Variants in LMO7 observed in about 807,000 individuals in gnomAD.
The protein encoded by LMO7 is LIM domain 7.
LMO7 carries 120 observed loss-of-function variants against 206.5 expected under a neutral mutation model. That is an observed-to-expected ratio of 0.58 (90% confidence interval 0.50 to 0.68). LMO7 has a LOEUF of 0.68. LMO7 is among the 30% of genes least tolerant of loss of function. LMO7 has a pLI of 0.00. For synonymous variants in LMO7, 706 were observed against 681.5 expected, an observed-to-expected ratio of 1.04 and a Z score of -0.56; for missense variants, 1,959 against 1,957.9, an observed-to-expected ratio of 1.00 and a Z score of -0.01.
chr13:75,856,499 TCCCC>T lies in LMO7; in HGVS notation c.4771-6_4771-3del. 6.3e-7 allele frequency: 1 copy of T among 1,575,788 alleles called. No homozygotes were observed. The highest frequency in any genetic ancestry group is 1.7e-5 in the Admixed American group (1 of 59,870). Reference sequence around the variant, plus strand: ...ATTGTAGATGTTCTTTTTTTTTTGTTCCCCAGTGTGTTGCCTGTGAGTGTGACCT... The same window carrying T: ...ATTGTAGATGTTCTTTTTTTTTTGTTAGTGTGTTGCCTGTGAGTGTGACCT... On this transcript the variant is annotated splice_polypyrimidine_tract_variant and splice_region_variant and intron_variant, in intron 29 of 30. Coordinates refer to ENST00000377534, the MANE Select transcript of LMO7 (RefSeq NM_001306080.2).
chr13:75,819,666 C>T (rs1038523292), intron 13 of LMO7, 131 bp downstream of exon 13: 29 of 916,334 alleles, frequency 3.2e-5, no homozygotes, highest in Non-Finnish European at 4.1e-5. Context: ...TGCAAAGAAA[C>T]GTTTAAGATT....
intron 1 of LMO7, among the ~76,000 whole-genome samples, chr13:75,662,574 C>T (rs754533571): frequency 6.6e-6 from 1 of 152,186 alleles, no homozygotes; most frequent in Non-Finnish European, 1.5e-5. Flanking sequence ...CTGCTTAGGC[C>T]TCCCAAAGTG....
At chr13:75,680,159 T>G (rs1483871984) in intron 1 of LMO7, among the ~76,000 whole-genome samples, 2 of 152,248 alleles carry the variant, frequency 1.3e-5, no homozygotes, top group Non-Finnish European at 2.9e-5. Flanking sequence ...TTCAGTTTTC[T>G]ATTCCTGTGT....
chr13:75,737,708 G>C (rs375990639), intron 3 of LMO7, among the ~76,000 whole-genome samples: 7 of 115,370 alleles, frequency 6.1e-5, no homozygotes, highest in Middle Eastern at 5.5e-3. Flanking sequence ...AGCCGAGATC[G>C]CGCCACTGCA....
intron 4 of LMO7, among the ~76,000 whole-genome samples, chr13:75,772,885 A>G (rs1322282053): frequency 6.6e-6 from 1 of 152,134 alleles, no homozygotes; most frequent in South Asian, 2.1e-4. Context: ...GTTCAAATGC[A>G]GACTGATTCA....
Position 75,802,603 on chromosome 13 carries a change from G to A in LMO7, c.662-1686G>A, listed in dbSNP as rs2054898366. ...TAAGTCGTCTTCTCAGATCCTTGTT[G>A]GAATGGGCACCTGTCCATGTAACCA... On this transcript the variant is annotated intron_variant, in intron 7 of 30. Transcript: ENST00000377534. Among the ~76,000 whole-genome samples the A allele has an allele frequency of 2.0e-5, 3 of 152,172 alleles. No homozygotes were observed. The East Asian group carries it at 5.8e-4, about 29-fold the overall frequency.
intron 4 of LMO7, among the ~76,000 whole-genome samples, chr13:75,765,484 G>T (rs1012282423): frequency 6.7e-6 from 1 of 149,606 alleles, no homozygotes; most frequent in Non-Finnish European, 1.5e-5. Context: ...TACCCTTTCT[G>T]CCAACTATTA....
intron 11 of LMO7, among the ~76,000 whole-genome samples, chr13:75,815,925 A>G (rs2056936460): frequency 6.6e-6 from 1 of 152,216 alleles, no homozygotes; most frequent in Non-Finnish European, 1.5e-5. Context: ...GTTTGGGGAC[A>G]AGATTGAGTT....
chr13:75,835,137 T>A, intron 17 of LMO7, 96 bp from the exon 18 acceptor site: 1 of 1,545,376 alleles, frequency 6.5e-7, no homozygotes, highest in South Asian at 1.2e-5. Flanking sequence ...CATTTGATCT[T>A]CATGTGCCAA....
chr13:75,794,936 TG>T (rs1161429515), intron 4 of LMO7, among the ~76,000 whole-genome samples: 7 of 152,034 alleles, frequency 4.6e-5, no homozygotes. Flanking sequence ...TTATGGATGA[TG>T]AAAAAAAAAC....
chr13:75,766,803 G>C (rs1461313754), intron 4 of LMO7, among the ~76,000 whole-genome samples: 1 of 151,934 alleles, frequency 6.6e-6, no homozygotes, highest in Non-Finnish European at 1.5e-5. Context: ...TTATCTCCTT[G>C]GTTCCTGTTA....
chr13:75,837,868 C>G (rs1440199314), intron 19 of LMO7, among the ~76,000 whole-genome samples: 1 of 152,058 alleles, frequency 6.6e-6, no homozygotes, highest in Non-Finnish European at 1.5e-5. Flanking sequence ...GAAGATGATA[C>G]TTTGGCTTTT....
intron 19 of LMO7, 114 bp from the exon 20 acceptor site, chr13:75,838,026 T>G (rs1441295788): frequency 1.1e-5 from 7 of 653,496 alleles, no homozygotes; most frequent in South Asian, 1.9e-5. Flanking sequence ...ATCAGTTTTG[T>G]GATCTTTTAA....
chr13:75,651,489 T>C (rs1419480808), intron 1 of LMO7, among the ~76,000 whole-genome samples: 1 of 152,056 alleles, frequency 6.6e-6, no homozygotes, highest in Non-Finnish European at 1.5e-5. Flanking sequence ...TTTGTATTTT[T>C]AGTAGAGACG....
rs1056012560 is a variant in LMO7 at position 75,762,197 on chromosome 13, C to T, written c.317+1159C>T. Among the ~76,000 whole-genome samples the T allele has an allele frequency of 4.6e-5, 7 of 152,046 alleles. No homozygotes were observed. The East Asian group carries it at 5.8e-4, about 13-fold the overall frequency. ...CTAAACTCCATGGTAATTAAATGTA[C>T]GTGGGAGGGATAAATCTGCCTGCAT... is the stretch of plus-strand genomic sequence containing the variant. On this transcript the variant is annotated intron_variant, in intron 4 of 30. Transcript: ENST00000377534.
rs1348376529 is a variant in LMO7 at position 75,636,547 on chromosome 13, C to T, written c.-111C>T. 3.9e-6 allele frequency: 6 copies of T among 1,525,198 alleles called. No individual in the cohort carries two copies. In the African/African-American group the frequency reaches 6.9e-5, roughly 18 times the overall value. The allele number at this position is 1,525,198 out of a possible 1,614,324, so 94.5% of individuals were successfully genotyped here. A position where few individuals can be genotyped will look rare whatever the true frequency, so the allele number is the denominator to read the frequency against. ...GCGCCTTCGCAGCCGGAGCGGAAGCCGGAGTTGTGGGAGGCCCGCGTGCCC... is the reference window on the plus strand; with the variant it reads ...GCGCCTTCGCAGCCGGAGCGGAAGCTGGAGTTGTGGGAGGCCCGCGTGCCC... On this transcript the variant is annotated 5_prime_UTR_variant, in exon 1 of 31. Coordinates refer to ENST00000377534, the MANE Select transcript of LMO7 (RefSeq NM_001306080.2).
chr13:75,753,727 TC>T (rs2047457611), intron 3 of LMO7, among the ~76,000 whole-genome samples: 1 of 152,218 alleles, frequency 6.6e-6, no homozygotes, highest in South Asian at 2.1e-4. Flanking sequence ...GGTGTTTGCT[TC>T]CCTCTCCACA....
At chr13:75,708,116 G>A (rs747088697) in intron 1 of LMO7, among the ~76,000 whole-genome samples, 9 of 152,252 alleles carry the variant, frequency 5.9e-5, no homozygotes, top group Non-Finnish European at 1.2e-4. Flanking sequence ...AGGAGGTTTG[G>A]CATGTACTGT....
At chr13:75,644,184 A>G in intron 1 of LMO7, among the ~76,000 whole-genome samples, 1 of 152,166 alleles carries the variant, frequency 6.6e-6, no homozygotes, top group East Asian at 1.9e-4. Context: ...AAAAGCAGCT[A>G]GTATTCTTGA....
Sources: allele counts gnomAD v4.1 joint callset (sites outside exome capture counted in the v4.1 genomes callset), GRCh38; gene constraint gnomAD v4.1.1; transcripts MANE v1.5; gene names NCBI Gene and HGNC (gene_info 2026-07-23, HGNC 2026-07-21).